The following CCDC33 variants were observed in gnomAD, a reference collection of about 807,000 sequenced individuals.
The protein encoded by CCDC33 is coiled-coil domain-containing protein 33.
CCDC33 carries 94 observed loss-of-function variants against 91.9 expected under a neutral mutation model. The observed-to-expected ratio is 1.02, with a 90% CI of 0.87 to 1.21. The LOEUF (loss-of-function observed/expected upper bound fraction) is 1.21. Among genes scored for constraint, CCDC33 ranks in the 50% most tolerant of loss-of-function variants. CCDC33 has a pLI of 0.00. For synonymous variants in CCDC33, 396 were observed against 374.5 expected (o/e 1.06, Z -0.66); for missense variants, 940 against 935.5 (o/e 1.00, Z -0.06).
intron 18 of CCDC33, 65 bp downstream of exon 18, chr15:74,335,153 C>T: frequency 7.9e-7 from 1 of 1,270,382 alleles, no homozygotes; most frequent in African/African-American, 1.5e-5. Flanking sequence ...CACCGCACCC[C>T]CAAAGTCACT....
chr15:74,232,419 A>G (rs2075007562), upstream of CCDC33, among the ~76,000 whole-genome samples: 1 of 152,204 alleles, frequency 6.6e-6, no homozygotes. Flanking sequence ...TGAAGAGACA[A>G]GAGGGAACAA....
rs2075898395 is a variant in CCDC33, at chr15:74,257,338, T to G, written c.186-5102T>G. 2.6e-5 allele frequency among the ~76,000 whole-genome samples: 4 copies of G among 152,254 alleles called. No individual in the cohort carries two copies. The South Asian group carries it at 8.3e-4, about 32-fold the overall frequency. ...GGCTGGGGGAGGCGGCAGCACAGAC[T>G]GGGGGCCTTGTCAAGGCTGTTGTCT... is the stretch of plus-strand genomic sequence containing the variant. On this transcript the variant is annotated intron_variant, in intron 2 of 18. Coordinates refer to ENST00000398814, the MANE Select transcript of CCDC33 (RefSeq NM_025055.5).
Position 74,218,504 on chromosome 15 carries a change from C to T in CCDC33, c.318C>T (p.Cys106=). 7.8e-7 allele frequency: 1 copy of T among 1,283,156 alleles called. No homozygotes were observed. Among genetic ancestry groups the T allele is most frequent in the South Asian group, 1.3e-5 (1 of 79,868 alleles). The allele number at this position is 1,283,156 out of a possible 1,614,324, so 79.5% of individuals were successfully genotyped here. ...CTGTGTTCCCTCATCCAGGTTTCTGCAAGAATGACGGGCAGCATGATGCTC... is the reference window on the plus strand; with the variant it reads ...CTGTGTTCCCTCATCCAGGTTTCTGTAAGAATGACGGGCAGCATGATGCTC... Residue 106 remains cysteine (C), a synonymous_variant, in exon 2 of 3, where the codon TGC becomes TGT. Transcript: ENST00000635913. This position sits in a 1 kb window ranked among gnomAD's most constrained non-coding sequence, Gnocchi z 4.8.
rs560239187 is a variant in CCDC33 at position 74,272,702 on chromosome 15, G to A, written c.639-69G>A. The A allele has an allele frequency of 3.1e-5, 49 of 1,581,406 alleles. 1 individual carries two copies. The highest frequency in any genetic ancestry group is 1.7e-4 in the South Asian group (15 of 87,180). On this transcript the variant is annotated intron_variant, in intron 6 of 18. Coordinates refer to ENST00000398814, the MANE Select transcript of CCDC33 (RefSeq NM_025055.5). ...TCTTGCATCAACCCAGAGTCTAAGC[G>A]GGGGGCCCTGGGCTGCCAGGCTCAG... is the stretch of plus-strand genomic sequence containing the variant.
chr15:74,275,576 G>C (rs943264776), intron 7 of CCDC33, among the ~76,000 whole-genome samples: 1 of 152,172 alleles, frequency 6.6e-6, no homozygotes, highest in African/African-American at 2.4e-5. Flanking sequence ...GAGGTCTCAG[G>C]ATCTTTCCAA....
At chr15:74,226,556 C>T (rs1354431999) in intron 2 of CCDC33, among the ~76,000 whole-genome samples, 2 of 152,076 alleles carry the variant, frequency 1.3e-5, no homozygotes, top group East Asian at 3.9e-4. Context: ...GAGCCAGGCA[C>T]GGTGGCTCTC....
intron 11 of CCDC33, chr15:74,311,583 C>G (rs1958148337): frequency 6.6e-6 from 1 of 152,098 alleles, no homozygotes. Context: ...GCGGGGCATC[C>G]CAGAAAGAGT....
chr15:74,254,536 A>G (rs61503822), intron 2 of CCDC33, among the ~76,000 whole-genome samples: 20 of 152,170 alleles, frequency 1.3e-4, no homozygotes, highest in African/African-American at 4.8e-4. Flanking sequence ...GTGACCTCCC[A>G]ATGGCTGTGC....
At chr15:74,280,254 T>C (rs2076557289) in intron 8 of CCDC33, among the ~76,000 whole-genome samples, 162 bp downstream of exon 8, 1 of 152,220 alleles carries the variant, frequency 6.6e-6, no homozygotes, top group African/African-American at 2.4e-5. Context: ...GCTGCGTTCC[T>C]TGTCCACAGG....
chr15:74,268,228 A>G, intron 4 of CCDC33, 114 bp from the exon 5 acceptor site: 2 of 749,736 alleles, frequency 2.7e-6, no homozygotes, highest in Non-Finnish European at 4.9e-6. Context: ...ATCAGCTCGG[A>G]GCCCCAGCGG....
rs1479058462 is a variant in CCDC33 at position 74,291,671 on chromosome 15, T to C, written c.1096-4083T>C. Among the ~76,000 whole-genome samples the C allele has an allele frequency of 2.0e-5, 3 of 152,336 alleles. No individual in the cohort carries two copies. In the South Asian group the frequency reaches 6.2e-4, roughly 32 times the overall value. On this transcript the variant is annotated intron_variant, in intron 10 of 18. Coordinates refer to ENST00000398814, the MANE Select transcript of CCDC33 (RefSeq NM_025055.5). Reference sequence around the variant, plus strand: ...CACTTTCAGCACCAAGGACAGCAGCTGCAGCCTGGCTAGTCAGTAATTGTG... The same window carrying C: ...CACTTTCAGCACCAAGGACAGCAGCCGCAGCCTGGCTAGTCAGTAATTGTG...
chr15:74,294,188 T>C (rs2059636248), intron 10 of CCDC33, among the ~76,000 whole-genome samples: 1 of 152,196 alleles, frequency 6.6e-6, no homozygotes, highest in Non-Finnish European at 1.5e-5. Context: ...CCCATTGCTC[T>C]ATTTATTTCT....
chr15:74,314,141 C>A (rs2060045800), intron 11 of CCDC33, among the ~76,000 whole-genome samples: 1 of 152,256 alleles, frequency 6.6e-6, no homozygotes, highest in Non-Finnish European at 1.5e-5. Context: ...CTCCAATACA[C>A]CCTTGCCTGC....
chr15:74,330,605 G>A, intron 12 of CCDC33, 58 bp from the exon 13 acceptor site: 1 of 1,376,106 alleles, frequency 7.3e-7, no homozygotes, highest in South Asian at 1.2e-5. Flanking sequence ...TACTGACCAT[G>A]CTGATTTGAG....
intron 2 of CCDC33, among the ~76,000 whole-genome samples, chr15:74,228,439 G>A (rs952085990): frequency 5.3e-5 from 8 of 152,358 alleles, no homozygotes; most frequent in African/African-American, 1.9e-4. Flanking sequence ...TTCTCGTGAC[G>A]CCGAGTGAAT....
rs374093994 is a variant in CCDC33, at chr15:74,330,795, G to A, written c.1545+44G>A. The A allele has an allele frequency of 3.3e-5, 51 of 1,554,114 alleles. No homozygotes were observed. In the African/African-American group the frequency reaches 6.2e-4, roughly 19 times the overall value. On this transcript the variant is annotated intron_variant, in intron 13 of 18. Coordinates refer to ENST00000398814, the MANE Select transcript of CCDC33 (RefSeq NM_025055.5). ...GGGCAGAGGGGAGGGAGCTATGGTGGGGGAGCATCGGGGTGAGAAGAGTCT... is the reference window on the plus strand; with the variant it reads ...GGGCAGAGGGGAGGGAGCTATGGTGAGGGAGCATCGGGGTGAGAAGAGTCT...
Position 74,265,348 on chromosome 15 carries a change from C to T in CCDC33, c.320-1330C>T, listed in dbSNP as rs183441504. Among the ~76,000 whole-genome samples the T allele has an allele frequency of 7.7e-4, 117 of 152,294 alleles. 1 individual carries two copies. The highest frequency in any genetic ancestry group is 2.7e-3 in the African/African-American group (111 of 41,574). Reference sequence around the variant, plus strand: ...CCCTTTCCTGTTCTCTGTTTTGTATCCTTTCTTACCTCATCTCTCTCATTC... The same window carrying T: ...CCCTTTCCTGTTCTCTGTTTTGTATTCTTTCTTACCTCATCTCTCTCATTC... On this transcript the variant is annotated intron_variant, in intron 3 of 18. Coordinates refer to ENST00000398814, the MANE Select transcript of CCDC33 (RefSeq NM_025055.5).
At chr15:74,271,609 A>G in intron 5 of CCDC33, 94 bp from the exon 6 acceptor site, 1 of 864,558 alleles carries the variant, frequency 1.2e-6, no homozygotes, top group East Asian at 2.6e-5. Flanking sequence ...GAGCTCACGG[A>G]TGGGGAAAAA....
chr15:74,203,120 G>C, intron 1 of CCDC33: 1 of 985,592 alleles, frequency 1.0e-6, no homozygotes, highest in Non-Finnish European at 1.2e-6. Flanking sequence ...CGCTGGGGCT[G>C]GGCTGGGGCG....
Sources: gnomAD v4.1 joint callset for allele counts (sites outside exome capture counted in the v4.1 genomes callset) on GRCh38, gnomAD v4.1.1 for gene constraint, Gnocchi (gnomAD v3.1) non-coding constraint, MANE v1.5 for transcripts, NCBI Gene and HGNC (gene_info 2026-07-23, HGNC 2026-07-21) for gene names.